The following ENKUR variants were observed in gnomAD, a reference collection of about 807,000 sequenced individuals.
ENKUR encodes enkurin.
A neutral mutation model predicts 27.6 loss-of-function variants in ENKUR; 19 were observed. The observed-to-expected ratio is 0.69, with a 90% CI of 0.48 to 1.01. The LOEUF (loss-of-function observed/expected upper bound fraction) is 1.01, where lower values mean the gene tolerates loss of function less well. Ranked by LOEUF, ENKUR falls within the 50% of genes least tolerant of loss-of-function variation. ENKUR has a pLI of 0.00. For missense variants in ENKUR, 312 were observed against 310.5 expected (o/e 1.00, Z -0.04); for synonymous variants, 117 against 96.9 (o/e 1.21, Z -1.22).
chr10:25,050,416 A>G (rs544964283), intron 2 of ENKUR, among the ~76,000 whole-genome samples: 5 of 152,320 alleles, frequency 3.3e-5, no homozygotes, highest in African/African-American at 1.2e-4. Flanking sequence ...CAGAAGCCAA[A>G]GGAGGAGCAA....
At chr10:25,005,496 C>G (rs994660791) in intron 1 of ENKUR, among the ~76,000 whole-genome samples, 37 of 152,078 alleles carry the variant, frequency 2.4e-4, no homozygotes, top group Non-Finnish European at 4.1e-4. Context: ...AAATAGGCAT[C>G]AAGGATTAAC....
chr10:25,024,232 C>G (rs1330587637), intron 2 of ENKUR: 2 of 1,614,174 alleles, frequency 1.2e-6, no homozygotes, highest in African/African-American at 1.3e-5. Context: ...TTCAGGCAAC[C>G]AGTTCATCCT....
intron 2 of ENKUR, chr10:25,024,471 A>G: frequency 6.2e-7 from 1 of 1,614,218 alleles, no homozygotes; most frequent in East Asian, 2.2e-5. Context: ...GTGATTTTCA[A>G]AAAGCACAAA....
At chr10:25,043,353 A>T (rs565373002) in intron 2 of ENKUR, among the ~76,000 whole-genome samples, 1 of 152,308 alleles carries the variant, frequency 6.6e-6, no homozygotes, top group South Asian at 2.1e-4. Flanking sequence ...ATATCAATAG[A>T]ATTGTGTGAA....
intron 1 of ENKUR, among the ~76,000 whole-genome samples, chr10:25,007,815 T>C (rs1850349717): frequency 6.6e-6 from 1 of 152,038 alleles, no homozygotes; most frequent in African/African-American, 2.4e-5. Flanking sequence ...CAATGTTCCT[T>C]GCTGAAAAAA....
chr10:25,004,266 A>G (rs10764516), intron 1 of ENKUR, among the ~76,000 whole-genome samples: 68,719 of 151,984 alleles, frequency 0.45, 16,745 homozygotes, highest in African/African-American at 0.65. Flanking sequence ...ATAATAGAAC[A>G]ATTTCTATTC....
intron 2 of ENKUR, among the ~76,000 whole-genome samples, chr10:25,027,278 C>T (rs564886630): frequency 3.2e-4 from 46 of 145,300 alleles, no homozygotes; most frequent in African/African-American, 1.1e-3. Context: ...ATGGCATGAA[C>T]CCGGGAGGCG....
chr10:25,055,489 A>T (rs1219041385), intron 2 of ENKUR, among the ~76,000 whole-genome samples: 2 of 149,734 alleles, frequency 1.3e-5, no homozygotes, highest in Non-Finnish European at 3.0e-5. Context: ...CTGTAGTATA[A>T]TCTCTCTCCA....
chr10:25,024,929 C>T (rs747106502), intron 2 of ENKUR: 1 of 1,613,930 alleles, frequency 6.2e-7, no homozygotes, highest in Non-Finnish European at 8.5e-7. Flanking sequence ...ATTCTCAAAT[C>T]TTCAAACCTA....
chr10:25,013,446 G>A (rs939174835), intron 1 of ENKUR, among the ~76,000 whole-genome samples: 8 of 152,316 alleles, frequency 5.3e-5, no homozygotes, highest in African/African-American at 1.7e-4. Flanking sequence ...AATCCATACA[G>A]GGTATTTTAG....
intron 2 of ENKUR, among the ~76,000 whole-genome samples, chr10:25,053,379 G>A (rs1017482911): frequency 6.6e-6 from 1 of 151,928 alleles, no homozygotes; most frequent in Non-Finnish European, 1.5e-5. Flanking sequence ...CTATGCAATC[G>A]ATCTCAAAAA....
At chr10:25,015,065 G>C (rs978749354) in intron 1 of ENKUR, among the ~76,000 whole-genome samples, 3 of 152,182 alleles carry the variant, frequency 2.0e-5, no homozygotes, top group African/African-American at 7.2e-5. Context: ...GATGGTAAAA[G>C]ACAGGAAACA....
Position 25,015,908 on chromosome 10 carries a change from A to G in ENKUR, c.29T>C (p.Ile10Thr). The change falls in exon 1 of 6, where the codon ATT becomes ACT. Residue 10 changes from isoleucine (I) to threonine (T), a missense_variant. Ile to Thr is a moderately conservative substitution (Grantham distance 89). Transcript: ENST00000331161. ...CAAGTCACTGGGTATGAGGTTATAA[A>G]TGCACTCAGAAGAGCACGTTGGATC... is the stretch of plus-strand genomic sequence containing the variant. MDPTCSSEC[I>T]YNLIPSDLKE... 1 of 1,608,468 alleles carries G rather than the reference A, an allele frequency of 6.2e-7. No homozygotes were observed. Among genetic ancestry groups the G allele is most frequent in the South Asian group, 1.1e-5 (1 of 89,496 alleles).
intron 2 of ENKUR, among the ~76,000 whole-genome samples, chr10:25,040,703 T>C (rs185622882): frequency 6.6e-6 from 1 of 152,276 alleles, no homozygotes; most frequent in Non-Finnish European, 1.5e-5. Flanking sequence ...CTCACTTCAA[T>C]CAAGAAGACA....
intron 2 of ENKUR, chr10:25,023,595 A>G: frequency 6.2e-7 from 1 of 1,614,188 alleles, no homozygotes. Flanking sequence ...ACTTCTCTGC[A>G]TCTGGAAGTG....
chr10:25,025,784 A>G, intron 2 of ENKUR: 1 of 222,438 alleles, frequency 4.5e-6, no homozygotes, highest in Non-Finnish European at 9.7e-6. Flanking sequence ...GGCGATTAAA[A>G]TATTTAAGCC....
At chr10:25,005,068 T>C (rs1850280746) in intron 1 of ENKUR, among the ~76,000 whole-genome samples, 1 of 152,198 alleles carries the variant, frequency 6.6e-6, no homozygotes, top group African/African-American at 2.4e-5. Context: ...CAGATACTTG[T>C]AAGTGGGCAG....
chr10:25,055,605 C>T (rs922249802), intron 2 of ENKUR, among the ~76,000 whole-genome samples: 2 of 148,314 alleles, frequency 1.3e-5, no homozygotes, highest in South Asian at 2.1e-4. Context: ...ATTTGGTCTA[C>T]GTTGGAATGA....
chr10:24,988,588 G>T lies in ENKUR; in HGVS notation c.594+1875C>A, dbSNP rs1313489748. 2.1e-5 allele frequency among the ~76,000 whole-genome samples: 3 copies of T among 145,336 alleles called. No individual in the cohort carries two copies. In the East Asian group the frequency reaches 6.0e-4, roughly 29 times the overall value. On this transcript the variant is annotated intron_variant, in intron 4 of 5. Coordinates refer to ENST00000331161, the MANE Select transcript of ENKUR (RefSeq NM_145010.4). ...TGTGTGCAGCTCCTCAGTTTCATAA[G>T]GTTCCAATGCACTAGTCACCACTGG...
Sources: gnomAD v4.1 joint callset for allele counts (sites outside exome capture counted in the v4.1 genomes callset) on GRCh38, gnomAD v4.1.1 for gene constraint, MANE v1.5 for transcripts, NCBI Gene and HGNC (gene_info 2026-07-23, HGNC 2026-07-21) for gene names.